FER: variants seen among roughly 807,000 people sequenced by gnomAD.
FER encodes tyrosine-protein kinase Fer.
Under a neutral mutation model 111.0 loss-of-function variants are expected in FER, and 63 were observed. The observed-to-expected ratio is 0.57, with a 90% CI of 0.46 to 0.70. The LOEUF is 0.70. Ranked by LOEUF, FER falls within the 30% of genes least tolerant of loss-of-function variation. FER has a pLI of 0.00. For missense variants in FER, 914 were observed against 954.0 expected (o/e 0.96, Z 0.55); for synonymous variants, 327 against 313.9 (o/e 1.04, Z -0.44).
chr5:108,850,149 C>T (rs1009366280), intron 5 of FER, among the ~76,000 whole-genome samples: 3 of 150,852 alleles, frequency 2.0e-5, no homozygotes, highest in South Asian at 4.2e-4. Flanking sequence ...GAGCCTAGAT[C>T]GTGCCACTGT....
chr5:108,916,683 C>G (rs567246482), intron 10 of FER, among the ~76,000 whole-genome samples: 2 of 152,136 alleles, frequency 1.3e-5, no homozygotes, highest in South Asian at 4.2e-4. Context: ...TATTCATAGT[C>G]TTTGCTATTT....
At chr5:108,879,701 A>AAAAATATATATATATATATAT in intron 8 of FER, among the ~76,000 whole-genome samples, 2 of 99,094 alleles carry the variant, frequency 2.0e-5, no homozygotes, top group Non-Finnish European at 4.0e-5. Flanking sequence ...ATTAAAAAAA[A>AAAAATATATATATATATATAT]ATATATATAT....
At chr5:108,785,314 C>T (rs1580511326) in intron 2 of FER, 1 of 555,932 alleles carries the variant, frequency 1.8e-6, no homozygotes, top group Non-Finnish European at 3.5e-6. Context: ...GCATTATCAA[C>T]ACCCTGTGCT....
At chr5:109,044,619 A>G (rs553417350) in intron 14 of FER, 61 bp from the exon 15 acceptor site, 11 of 813,874 alleles carry the variant, frequency 1.4e-5, no homozygotes, top group African/African-American at 8.7e-5. Context: ...CTTTCCTTGT[A>G]TTTGGCAAAG....
chr5:108,811,805 G>A (rs1458159259), intron 3 of FER, among the ~76,000 whole-genome samples: 1 of 152,144 alleles, frequency 6.6e-6, no homozygotes, highest in Non-Finnish European at 1.5e-5. Context: ...GAGTTCTGAT[G>A]CTCGAGGGCA....
intron 14 of FER, among the ~76,000 whole-genome samples, chr5:109,042,734 A>G (rs1771354028): frequency 6.6e-6 from 1 of 152,194 alleles, no homozygotes. Context: ...GGCATAAGAA[A>G]TGGATTTAAA....
intron 5 of FER, among the ~76,000 whole-genome samples, chr5:108,862,556 A>T (rs1392154389): frequency 6.6e-6 from 1 of 152,222 alleles, no homozygotes; most frequent in African/African-American, 2.4e-5. Context: ...ATAACAAAAT[A>T]AAATTTTTAA....
intron 17 of FER, among the ~76,000 whole-genome samples, chr5:109,160,053 G>A (rs766418854): frequency 1.3e-5 from 2 of 152,098 alleles, no homozygotes; most frequent in Non-Finnish European, 2.9e-5. Flanking sequence ...ATATCTTTTT[G>A]TCTCAAATCA....
At chr5:109,020,084 C>T (rs1178796227) in intron 13 of FER, among the ~76,000 whole-genome samples, 1 of 151,966 alleles carries the variant, frequency 6.6e-6, no homozygotes, top group Admixed American at 6.6e-5. Flanking sequence ...CCAGATTTGA[C>T]TCTTAATGAT....
intron 18 of FER, 42 bp from the exon 19 acceptor site, chr5:109,186,158 C>T: frequency 1.2e-6 from 2 of 1,613,892 alleles, no homozygotes; most frequent in South Asian, 2.2e-5. Flanking sequence ...ACCTACTTGT[C>T]TACTGTGCCT....
chr5:109,102,103 CTA>C (rs1256719469), intron 17 of FER, among the ~76,000 whole-genome samples: 1 of 151,934 alleles, frequency 6.6e-6, no homozygotes, highest in African/African-American at 2.4e-5. Flanking sequence ...GTATAAATGC[CTA>C]TGTCATGAGA....
chr5:108,881,431 G>T lies in FER; in HGVS notation c.924-1965G>T, dbSNP rs578029491. ...ACTATTGTGAAAAGAGCGTGAGAAA[G>T]ACCTGCCCCCATGATTCAGTTACCT... On this transcript the variant is annotated intron_variant, in intron 8 of 19. Transcript: ENST00000281092. 6.6e-5 allele frequency among the ~76,000 whole-genome samples: 10 copies of T among 152,236 alleles called. No homozygotes were observed. In the South Asian group the frequency reaches 2.1e-3, roughly 32 times the overall value.
At chr5:109,019,349 T>A (rs1767621699) in intron 13 of FER, among the ~76,000 whole-genome samples, 1 of 151,814 alleles carries the variant, frequency 6.6e-6, no homozygotes, top group Admixed American at 6.6e-5. Flanking sequence ...GCTCAAAACA[T>A]TTTATATAAT....
chr5:108,896,425 CTGT>C (rs1176966707), intron 9 of FER, among the ~76,000 whole-genome samples: 1 of 152,136 alleles, frequency 6.6e-6, no homozygotes, highest in African/African-American at 2.4e-5. Flanking sequence ...AGATCACAGA[CTGT>C]TGAATGATAA....
At chr5:108,972,299 C>T (rs904059788) in intron 13 of FER, among the ~76,000 whole-genome samples, 2 of 151,928 alleles carry the variant, frequency 1.3e-5, no homozygotes, top group Non-Finnish European at 2.9e-5. Context: ...GGTACCTTCT[C>T]GGCCTCTGTC....
intron 10 of FER, among the ~76,000 whole-genome samples, chr5:108,921,509 T>C (rs766730573): frequency 6.6e-6 from 1 of 152,140 alleles, no homozygotes; most frequent in Non-Finnish European, 1.5e-5. Context: ...TTTTGAATAT[T>C]GAACAAGCTC....
chr5:108,908,252 T>C (rs973937685), intron 10 of FER, among the ~76,000 whole-genome samples: 1 of 152,192 alleles, frequency 6.6e-6, no homozygotes, highest in Non-Finnish European at 1.5e-5. Flanking sequence ...GATATTTAAA[T>C]GCATGGCTAA....
intron 16 of FER, among the ~76,000 whole-genome samples, chr5:109,087,119 A>T (rs959453707): frequency 6.6e-6 from 1 of 151,420 alleles, no homozygotes; most frequent in Non-Finnish European, 1.5e-5. Context: ...TTTTGGAGAG[A>T]CAAATTTCAG....
chr5:109,193,165 C>T lies in FER; in HGVS notation c.*5590C>T, dbSNP rs1759498513. On this transcript the variant is annotated 3_prime_UTR_variant, in exon 20 of 20. Coordinates refer to ENST00000281092, the MANE Select transcript of FER (RefSeq NM_005246.4). ...TGGACATTGGTTTAATTTTTACCTA[C>T]GCTCCCTATAATCTCAGGAGGTAAC... The T allele has an allele frequency of 1.3e-5, 2 of 152,102 alleles. No individual in the cohort carries two copies. The highest frequency in any genetic ancestry group is 2.4e-5 in the African/African-American group (1 of 41,424). The allele number at this position is 152,102 out of a possible 1,614,324, so 9.4% of individuals were successfully genotyped here.
Sources: allele counts gnomAD v4.1 joint callset (sites outside exome capture counted in the v4.1 genomes callset), GRCh38; gene constraint gnomAD v4.1.1; transcripts MANE v1.5; gene names NCBI Gene and HGNC (gene_info 2026-07-23, HGNC 2026-07-21).